SHISA9: variants seen among roughly 807,000 people sequenced by gnomAD.
The protein encoded by SHISA9 is shisa family member 9, also known as protein shisa-9.
A neutral mutation model predicts 38.0 loss-of-function variants in SHISA9; 13 were observed. The observed-to-expected ratio is 0.34, with a 90% confidence interval of 0.22 to 0.54. The LOEUF (loss-of-function observed/expected upper bound fraction) is 0.54. SHISA9 is among the 20% of genes least tolerant of loss of function. The pLI, the probability that SHISA9 is intolerant of heterozygous loss-of-function variation, is 0.91. For missense variants in SHISA9, 538 were observed against 575.8 expected, an observed-to-expected ratio of 0.93 and a Z score of 0.67; for synonymous variants, 275 against 242.0, an observed-to-expected ratio of 1.14 and a Z score of -1.27.
At chr16:13,542,995 C>T in the SHISA9 span, among the ~76,000 whole-genome samples, 3 of 152,182 alleles carry the variant, frequency 2.0e-5, no homozygotes, top group African/African-American at 7.2e-5. Context: ...CTGTCTGATC[C>T]CAGAGCTTGC....
chr16:13,102,852 T>A (rs986745674), intron 2 of SHISA9, among the ~76,000 whole-genome samples: 11 of 152,008 alleles, frequency 7.2e-5, no homozygotes, highest in South Asian at 2.1e-4. Context: ...AGGCCAAGAG[T>A]CATCTTAATT....
intron 2 of SHISA9, among the ~76,000 whole-genome samples, chr16:13,129,420 G>A (rs1212937477): frequency 6.6e-6 from 1 of 152,162 alleles, no homozygotes. Flanking sequence ...AGCAGACAAG[G>A]GGAGAGTGAA....
the SHISA9 span, among the ~76,000 whole-genome samples, chr16:13,498,911 A>T: frequency 6.6e-6 from 1 of 152,206 alleles, no homozygotes; most frequent in Non-Finnish European, 1.5e-5. Flanking sequence ...GCAGACACTG[A>T]TCTGGCCTGT....
intron 2 of SHISA9, among the ~76,000 whole-genome samples, chr16:12,999,017 G>A (rs1450668978): frequency 1.3e-5 from 2 of 152,114 alleles, no homozygotes; most frequent in East Asian, 3.8e-4. Flanking sequence ...GTATTTTGAT[G>A]TATTTGATGT....
the SHISA9 span, among the ~76,000 whole-genome samples, chr16:13,543,163 G>C: frequency 6.6e-6 from 1 of 152,190 alleles, no homozygotes; most frequent in Non-Finnish European, 1.5e-5. Context: ...CTCCTTGAAA[G>C]CATTGTTATG....
At chr16:12,936,623 T>G (rs2071537067) in intron 2 of SHISA9, among the ~76,000 whole-genome samples, 1 of 152,198 alleles carries the variant, frequency 6.6e-6, no homozygotes, top group Non-Finnish European at 1.5e-5. Context: ...CTCCAGAGTG[T>G]GATTCTAGCA....
chr16:13,279,919 A>G, the SHISA9 span, among the ~76,000 whole-genome samples: 5 of 151,922 alleles, frequency 3.3e-5, no homozygotes, highest in East Asian at 1.9e-4. Context: ...TTTTCAATAC[A>G]TACAAAGTAT....
chr16:13,137,284 G>T (rs1014235449), intron 2 of SHISA9, among the ~76,000 whole-genome samples: 5 of 152,086 alleles, frequency 3.3e-5, no homozygotes, highest in Non-Finnish European at 5.9e-5. Context: ...GTAGTGATTG[G>T]AGTCTGAGTT....
chr16:13,142,967 G>A (rs1316245804), intron 2 of SHISA9, among the ~76,000 whole-genome samples: 1 of 123,040 alleles, frequency 8.1e-6, no homozygotes, highest in African/African-American at 3.3e-5. Context: ...AAGGGTGGAT[G>A]AAGAACCTCT....
intron 2 of SHISA9, among the ~76,000 whole-genome samples, chr16:12,946,989 T>C (rs1363045461): frequency 1.3e-5 from 2 of 152,246 alleles, no homozygotes; most frequent in African/African-American, 4.8e-5. Flanking sequence ...ACAGTGACTG[T>C]ATGGCCTTCA....
At chr16:13,318,098 A>G in the SHISA9 span, among the ~76,000 whole-genome samples, 1 of 151,930 alleles carries the variant, frequency 6.6e-6, no homozygotes, top group South Asian at 2.1e-4. Context: ...TCATTCATGA[A>G]TTTATGACTT....
At chr16:13,500,451 C>G in the SHISA9 span, among the ~76,000 whole-genome samples, 2 of 152,094 alleles carry the variant, frequency 1.3e-5, no homozygotes, top group African/African-American at 4.8e-5. Flanking sequence ...ATAGAAGAAC[C>G]AGCGTAAAGT....
intron 2 of SHISA9, among the ~76,000 whole-genome samples, chr16:13,095,491 G>T (rs1355310146): frequency 1.3e-5 from 2 of 152,236 alleles, no homozygotes; most frequent in African/African-American, 4.8e-5. Context: ...AAAGGGAAAT[G>T]GTGGTGGTTA....
At chr16:13,069,418 G>GTGTGTA (rs770737785) in intron 2 of SHISA9, among the ~76,000 whole-genome samples, 3 of 152,124 alleles carry the variant, frequency 2.0e-5, no homozygotes, top group African/African-American at 7.2e-5. Flanking sequence ...GTGTGCATGT[G>GTGTGTA]TGTGTATGTG....
the SHISA9 span, among the ~76,000 whole-genome samples, chr16:13,402,773 C>T: frequency 6.6e-6 from 1 of 152,168 alleles, no homozygotes; most frequent in South Asian, 2.1e-4. Flanking sequence ...TTTTTCTTGG[C>T]ACAGTCAAGT....
intron 2 of SHISA9, among the ~76,000 whole-genome samples, chr16:12,987,750 G>GA (rs2072331664): frequency 1.3e-5 from 2 of 151,988 alleles, no homozygotes; most frequent in East Asian, 3.9e-4. Context: ...AAATAAACAA[G>GA]AAAAAAGAAA....
the SHISA9 span, among the ~76,000 whole-genome samples, chr16:13,479,143 C>G: frequency 1.3e-5 from 2 of 151,980 alleles, no homozygotes; most frequent in African/African-American, 4.8e-5. Flanking sequence ...TGGTCCTGCA[C>G]GGCGCCTATC....
intron 2 of SHISA9, among the ~76,000 whole-genome samples, chr16:13,188,796 A>T (rs2050854706): frequency 6.6e-6 from 1 of 152,068 alleles, no homozygotes; most frequent in Non-Finnish European, 1.5e-5. Context: ...GTAAGGAAGA[A>T]AAGGAAAAGG....
At chr16:13,361,677 G>A in the SHISA9 span, among the ~76,000 whole-genome samples, 1 of 152,130 alleles carries the variant, frequency 6.6e-6, no homozygotes, top group Non-Finnish European at 1.5e-5. Context: ...CCACTCATGT[G>A]CTGTTCCACC....
Sources: gnomAD v4.1 joint callset for allele counts (sites outside exome capture counted in the v4.1 genomes callset) on GRCh38, gnomAD v4.1.1 for gene constraint, MANE v1.5 for transcripts, NCBI Gene and HGNC (gene_info 2026-07-23, HGNC 2026-07-21) for gene names.